CES5A: variants seen among roughly 807,000 people sequenced by gnomAD.
The protein encoded by CES5A is carboxylesterase 5A, also known as carboxylesterase 5.
CES5A carries 67 observed loss-of-function variants against 62.9 expected under a neutral mutation model. The ratio of observed to expected loss-of-function variants is 1.07; its 90% CI spans 0.88 to 1.31. CES5A has a LOEUF of 1.31. Among genes scored for constraint, CES5A ranks in the 50% most tolerant of loss-of-function variants. The pLI is 0.00. For missense variants in CES5A, 748 were observed against 708.5 expected, an observed-to-expected ratio of 1.06 and a Z score of -0.63; for synonymous variants, 296 against 280.8, an observed-to-expected ratio of 1.05 and a Z score of -0.54.
upstream of CES5A, among the ~76,000 whole-genome samples, chr16:55,928,418 G>A (rs529036971): frequency 2.0e-5 from 3 of 152,142 alleles, no homozygotes; most frequent in Non-Finnish European, 4.4e-5. Context: ...AGACTCAGAA[G>A]GTGGAAGGGT....
At chr16:55,948,521 T>C (rs898118949) in intron 2 of CES5A, among the ~76,000 whole-genome samples, 3 of 152,198 alleles carry the variant, frequency 2.0e-5, no homozygotes, top group Non-Finnish European at 4.4e-5. Context: ...GATAAGCTGT[T>C]AATTTACATT....
chr16:55,877,903 AG>A (rs1295035170), upstream of CES5A, among the ~76,000 whole-genome samples: 6 of 152,118 alleles, frequency 3.9e-5, no homozygotes, highest in Non-Finnish European at 8.8e-5. Context: ...TTCGGGGAGG[AG>A]GGAGTAGGAA....
intron 1 of CES5A, among the ~76,000 whole-genome samples, chr16:55,901,117 T>G (rs2033986326): frequency 1.3e-5 from 2 of 152,114 alleles, no homozygotes; most frequent in South Asian, 4.1e-4. Flanking sequence ...TTGAATCATG[T>G]GGGTGGGTCT....
chr16:55,859,109 T>C (rs1328160160), intron 8 of CES5A, among the ~76,000 whole-genome samples: 1 of 152,242 alleles, frequency 6.6e-6, no homozygotes, highest in African/African-American at 2.4e-5. Context: ...GATTTAACAA[T>C]TTTGCAGCTT....
chr16:55,872,650 G>A (rs1218729821), intron 2 of CES5A, among the ~76,000 whole-genome samples: 2 of 152,148 alleles, frequency 1.3e-5, no homozygotes, highest in African/African-American at 2.4e-5. Context: ...ATTGCTGCAC[G>A]TCTTCTCCTG....
upstream of CES5A, among the ~76,000 whole-genome samples, chr16:55,876,947 C>T (rs1286793348): frequency 2.6e-5 from 4 of 152,152 alleles, no homozygotes; most frequent in African/African-American, 4.8e-5. Flanking sequence ...TGCTGGAGCA[C>T]AGTGTTGAGC....
Position 55,875,313 on chromosome 16 carries a change from G to A in CES5A, c.-92C>T, listed in dbSNP as rs2142418260. 36 of 1,557,978 alleles carry A rather than the reference G, an allele frequency of 2.3e-5. No homozygotes were observed. In the South Asian group the frequency reaches 2.6e-4, roughly 11 times the overall value. Reference sequence around the variant, plus strand: ...AGCCAGAAAGAGCTTCCTGTTAACAGGCAAATGCTGAATAGGCAGGCAGAG... The same window carrying A: ...AGCCAGAAAGAGCTTCCTGTTAACAAGCAAATGCTGAATAGGCAGGCAGAG... On this transcript the variant is annotated 5_prime_UTR_variant, in exon 1 of 13. Coordinates refer to ENST00000290567, the MANE Select transcript of CES5A (RefSeq NM_001143685.2).
intron 4 of CES5A, among the ~76,000 whole-genome samples, chr16:55,868,536 C>A (rs1192220480): frequency 1.3e-5 from 2 of 152,228 alleles, no homozygotes; most frequent in Admixed American, 1.3e-4. Flanking sequence ...TCCTCTGTTT[C>A]CACAGCTCCA....
Position 55,938,765 on chromosome 16 carries a change from AATATATATATATATATATAT to A in CES5A, c.160+11000_160+11019del, listed in dbSNP as rs763759878. 1.5e-4 allele frequency among the ~76,000 whole-genome samples: 6 copies of A among 39,200 alleles called. No homozygotes were observed. In the South Asian group the frequency reaches 4.0e-3, roughly 26 times the overall value. 25.7% of individuals were successfully genotyped at this position (39,200 alleles called of 152,430 possible). ...AAAAAAAAAAAAAAAAAAAAAAAAA[AATATATATATATATATATAT>A]ATATATATATATACACACATATATA... is the stretch of plus-strand genomic sequence containing the variant. On this transcript the variant is annotated intron_variant, in intron 2 of 13. Transcript: ENST00000521992.
chr16:55,920,968 T>C (rs2034198154), intron 1 of CES5A, among the ~76,000 whole-genome samples: 1 of 152,230 alleles, frequency 6.6e-6, no homozygotes, highest in African/African-American at 2.4e-5. Context: ...GAAATATTTT[T>C]ACTGAACTGA....
chr16:55,934,280 T>C (rs2142471960), intron 2 of CES5A, among the ~76,000 whole-genome samples: 1 of 152,336 alleles, frequency 6.6e-6, no homozygotes, highest in Non-Finnish European at 1.5e-5. Flanking sequence ...CAAGAGAATG[T>C]ATATTATTGT....
At position 55,905,796 on chromosome 16, in the gene CES5A, C is replaced by T. The variant is rs1279525499; in HGVS notation, c.-256+19527G>A. On this transcript the variant is annotated intron_variant, in intron 1 of 12. Coordinates refer to the CES5A transcript ENST00000518005. The stretch of plus-strand genomic sequence containing the variant: ...TTGGGCCTTAGCATCAAGTTGCTGA[C>T]GCAAAGTCCTCGTGATTACAAAACT... Among the ~76,000 whole-genome samples, 10 of 152,240 alleles carry T rather than the reference C, an allele frequency of 6.6e-5. 1 individual carries two copies. The highest frequency in any genetic ancestry group is 6.8e-3 in the Middle Eastern group (2 of 294).
chr16:55,852,452 T>C (rs1438158790), intron 10 of CES5A, among the ~76,000 whole-genome samples: 1 of 152,216 alleles, frequency 6.6e-6, no homozygotes, highest in African/African-American at 2.4e-5. Context: ...GAATCTAATG[T>C]TATGGGGTGG....
chr16:55,905,114 T>C (rs1205237875), intron 1 of CES5A, among the ~76,000 whole-genome samples: 2 of 152,238 alleles, frequency 1.3e-5, no homozygotes, highest in Non-Finnish European at 1.5e-5. Context: ...AACAGGTTGC[T>C]AAATGTGCCA....
chr16:55,938,797 T>C lies in CES5A; in HGVS notation c.160+10988A>G, dbSNP rs866463211. ...ATATATATATATATATATATATATA[T>C]ACACACATATATATATATACACACA... On this transcript the variant is annotated intron_variant, in intron 2 of 13. Coordinates refer to the CES5A transcript ENST00000521992. Among the ~76,000 whole-genome samples the C allele has an allele frequency of 8.8e-3, 451 of 51,000 alleles. 2 individuals carry two copies. Among genetic ancestry groups the C allele is most frequent in the African/African-American group, 0.031 (294 of 9,580 alleles). The allele number at this position is 51,000 out of a possible 152,430, so 33.5% of individuals were successfully genotyped here.
At chr16:55,895,271 G>C (rs1333510361) in intron 1 of CES5A, among the ~76,000 whole-genome samples, 4 of 152,148 alleles carry the variant, frequency 2.6e-5, no homozygotes, top group African/African-American at 9.7e-5. Context: ...GCTAACCAAA[G>C]ACTTAAATGT....
intron 1 of CES5A, among the ~76,000 whole-genome samples, chr16:55,954,015 T>C (rs995324824): frequency 1.3e-5 from 2 of 152,194 alleles, no homozygotes; most frequent in African/African-American, 4.8e-5. Context: ...TTTGCACCCA[T>C]TAATCATCCC....
chr16:55,885,747 T>C (rs2033809207), intron 1 of CES5A, among the ~76,000 whole-genome samples: 1 of 152,170 alleles, frequency 6.6e-6, no homozygotes, highest in South Asian at 2.1e-4. Flanking sequence ...AGCAAGGAGC[T>C]GGTGCCCTGG....
At chr16:55,886,667 C>T (rs1303656491) in intron 1 of CES5A, among the ~76,000 whole-genome samples, 4 of 152,162 alleles carry the variant, frequency 2.6e-5, no homozygotes, top group African/African-American at 9.7e-5. Flanking sequence ...ATCAAACTCT[C>T]TTTGGTAACA....
Sources: gnomAD v4.1 joint callset for allele counts (sites outside exome capture counted in the v4.1 genomes callset) on GRCh38, gnomAD v4.1.1 for gene constraint, MANE v1.5 for transcripts, NCBI Gene and HGNC (gene_info 2026-07-23, HGNC 2026-07-21) for gene names.